The following DLX5 variants were observed in gnomAD, a reference collection of about 807,000 sequenced individuals.
The protein encoded by DLX5 is homeobox protein DLX-5.
In DLX5, 8 loss-of-function variants were observed where a neutral mutation model predicts 27.1. The ratio of observed to expected loss-of-function variants is 0.30; its 90% CI spans 0.17 to 0.53. The LOEUF is 0.53. Ranked by LOEUF, DLX5 falls within the 20% of genes least tolerant of loss-of-function variation. The pLI, the probability that DLX5 is intolerant of heterozygous loss-of-function variation, is 0.95. For synonymous variants in DLX5, 178 were observed against 161.9 expected, an observed-to-expected ratio of 1.10 and a Z score of -0.75; for missense variants, 339 against 375.1, an observed-to-expected ratio of 0.90 and a Z score of 0.80.
intron 2 of DLX5, chr7:97,021,927 C>G: frequency 1.7e-6 from 1 of 604,668 alleles, no homozygotes; most frequent in Non-Finnish European, 2.9e-6. Context: ...GAAATTGGCC[C>G]CACAGCTCCG....
Position 97,022,083 on chromosome 7 carries a change from C to T in DLX5, c.540+102G>A, listed in dbSNP as rs1316321204. 1.9e-5 allele frequency: 27 copies of T among 1,391,934 alleles called. No homozygotes were observed. In the Admixed American group the frequency reaches 4.4e-4, roughly 23 times the overall value. 86.2% of individuals were successfully genotyped at this position (1,391,934 alleles called of 1,614,324 possible). On this transcript the variant is annotated intron_variant, in intron 2 of 2. Coordinates refer to ENST00000648378, the MANE Select transcript of DLX5 (RefSeq NM_005221.6). ...TGTCTTTGGGTCTGTTAGTTTCTCACGGGTACTGTCAAAACAGCTCCAGTC... is the reference window on the plus strand; with the variant it reads ...TGTCTTTGGGTCTGTTAGTTTCTCATGGGTACTGTCAAAACAGCTCCAGTC...
In DLX5 at chr7:97,020,743, A is replaced by T. The variant is rs1294274714; in HGVS notation, c.863T>A (p.Leu288His). 3.2e-6 allele frequency: 5 copies of T among 1,586,000 alleles called. No homozygotes were observed. The highest frequency in any genetic ancestry group is 2.3e-5 in the East Asian group (1 of 44,444). Residue 288 changes from leucine (L) to histidine (H), a missense_variant, in exon 3 of 3, where the codon CTC (leucine) becomes CAC (histidine). By Grantham distance (99) the Leu-to-His change is moderately conservative. Transcript: ENST00000648378. ...QHPLALASGT[L>H]Y Reference sequence around the variant, plus strand: ...TAAGAGAGAGCAGCCCATCTAATAGAGTGTCCCGGAGGCCAGCGCCAGCGG... The same window carrying T: ...TAAGAGAGAGCAGCCCATCTAATAGTGTGTCCCGGAGGCCAGCGCCAGCGG...
intron 2 of DLX5, among the ~76,000 whole-genome samples, chr7:97,021,753 C>T (rs1425638152): frequency 6.6e-6 from 1 of 152,212 alleles, no homozygotes; most frequent in African/African-American, 2.4e-5. Flanking sequence ...TTCAGTTTCT[C>T]CGCTCCAGGC....
In DLX5 at chr7:97,022,413, A is replaced by G. The variant is rs1266979200; in HGVS notation, c.356-44T>C. ...CTCAGTTAAAGCTTGTCACCAGACA[A>G]TGCCCCTTTTGCGGAAGGGCCTCAA... is the stretch of plus-strand genomic sequence containing the variant. On this transcript the variant is annotated intron_variant, in intron 1 of 2. Coordinates refer to ENST00000648378, the MANE Select transcript of DLX5 (RefSeq NM_005221.6). 1.9e-6 allele frequency: 3 copies of G among 1,607,392 alleles called. No individual in the cohort carries two copies. In the Admixed American group the frequency reaches 5.0e-5, roughly 27 times the overall value.
rs1424932327 is a variant in DLX5, at chr7:97,022,384, C to CA, written c.356-16dup. Reference sequence around the variant, plus strand: ...CACTTCTTTCTCTAAATAATCAAAACAGACTCAGTTAAAGCTTGTCACCAG... The same window carrying CA: ...CACTTCTTTCTCTAAATAATCAAAACAAGACTCAGTTAAAGCTTGTCACCAG... On this transcript the variant is annotated splice_polypyrimidine_tract_variant and intron_variant, in intron 1 of 2. Transcript: ENST00000648378. 3 of 1,613,056 alleles carry CA rather than the reference C, an allele frequency of 1.9e-6. No homozygotes were observed. In the South Asian group the frequency reaches 3.3e-5, roughly 18 times the overall value.
At position 97,024,535 on chromosome 7, in the gene DLX5, G is replaced by A. The variant is rs1351019836; in HGVS notation, c.89C>T (p.Pro30Leu). Residue 30 changes from proline (P) to leucine (L), a missense_variant, in exon 1 of 3, where the codon CCG becomes CTG. Pro to Leu is a moderately conservative substitution (Grantham distance 98). Transcript: ENST00000648378. This position sits in a 1 kb window ranked among gnomAD's most constrained non-coding sequence, Gnocchi z 4.6. ...GGGCAAAGTTGGCGATTCCTGAGAC[G>A]GATGGTGCATAGCTGCGGACGTCTG... ...PFQTSAAMHH[P>L]SQESPTLPES... 1.9e-6 allele frequency: 3 copies of A among 1,614,112 alleles called. No homozygotes were observed. Among genetic ancestry groups the A allele is most frequent in the African/African-American group, 1.3e-5 (1 of 74,936 alleles).
At chr7:97,021,966 G>A (rs1446673348) in intron 2 of DLX5, 2 of 622,278 alleles carry the variant, frequency 3.2e-6, no homozygotes, top group East Asian at 2.7e-5. Context: ...GGGGCGGGGG[G>A]CGCGGTTAGT....
rs1790022532 is a variant in DLX5 at position 97,020,621 on chromosome 7, C to A, written c.*115G>T. ...AACTTACATGCAAAAAAAAGCTTTA[C>A]ACATGAATCTTTTTCAGTTTTCCGA... On this transcript the variant is annotated 3_prime_UTR_variant, in exon 3 of 3. Transcript: ENST00000648378. 2 of 1,095,182 alleles carry A rather than the reference C, an allele frequency of 1.8e-6. No homozygotes were observed. Among genetic ancestry groups the A allele is most frequent in the African/African-American group, 1.6e-5 (1 of 63,764 alleles). The allele number at this position is 1,095,182 out of a possible 1,614,324, so 67.8% of individuals were successfully genotyped here.
chr7:97,024,451 T>A lies in DLX5; in HGVS notation c.173A>T (p.Tyr58Phe), dbSNP rs763009516. The change falls in exon 1 of 3, where the codon TAC becomes TTC. Residue 58 changes from tyrosine (Y) to phenylalanine (F), a missense_variant. By Grantham distance (22) the Tyr-to-Phe change is conservative. Around this residue, in one of 3 missense-constraint regions of DLX5, gnomAD observed 188 missense variants for 206.1 expected, o/e 0.91. Transcript: ENST00000648378. The surrounding 1 kb of genome is among the most constrained non-coding windows in gnomAD (Gnocchi z 4.6). ...YSPTGGAPHG[Y>F]CSPTSASYGK... ...ATAGGAAGCCGAGGTAGGAGAGCAG[T>A]AGCCGTGCGGGGCTCCCCCCGTAGG... 1 of 1,614,258 alleles carries A rather than the reference T, an allele frequency of 6.2e-7. No individual in the cohort carries two copies. Among genetic ancestry groups the A allele is most frequent in the Admixed American group, 1.7e-5 (1 of 60,038 alleles).
rs1051982011 is a variant in DLX5, at chr7:97,022,540, A to G, written c.356-171T>C. 3 of 985,238 alleles carry G rather than the reference A, an allele frequency of 3.0e-6. No individual in the cohort carries two copies. The African/African-American group carries it at 5.2e-5, about 17-fold the overall frequency. The allele number at this position is 985,238 out of a possible 1,614,324, so 61.0% of individuals were successfully genotyped here. On this transcript the variant is annotated intron_variant, in intron 1 of 2. Coordinates refer to ENST00000648378, the MANE Select transcript of DLX5 (RefSeq NM_005221.6). ...CGATAAATATGCACCTACCCCAAAT[A>G]TGGAAAAGCGGGATAGCCTCTGATT...
Position 97,022,221 on chromosome 7 carries a change from G to A in DLX5, c.504C>T (p.Ala168=), listed in dbSNP as rs749209979. Residue 168 remains alanine (A), a synonymous_variant, in exon 2 of 3, where the codon GCC becomes GCT. Coordinates refer to ENST00000648378, the MANE Select transcript of DLX5 (RefSeq NM_005221.6). ...TCAATCCCAGCGAGGCGGCCAGCTC[G>A]GCGCGTTCCGGCAAGGCGAGGTACT... is the stretch of plus-strand genomic sequence containing the variant. ...KTQYLALPER[A]ELAASLGLTQ... is the part of the protein sequence containing the mutation. 2 of 1,614,110 alleles carry A rather than the reference G, an allele frequency of 1.2e-6. No individual in the cohort carries two copies. Among genetic ancestry groups the A allele is most frequent in the African/African-American group, 2.7e-5 (2 of 74,940 alleles).
At chr7:97,023,817 G>C (rs757289825) in intron 1 of DLX5, among the ~76,000 whole-genome samples, 126 of 150,796 alleles carry the variant, frequency 8.4e-4, no homozygotes, top group Non-Finnish European at 1.3e-3. Context: ...CTAGCTTGTG[G>C]CGGCTCTCAA....
chr7:97,020,547 C>A lies in DLX5; in HGVS notation c.*189G>T. 1.8e-6 allele frequency: 1 copy of A among 541,808 alleles called. No individual in the cohort carries two copies. The highest frequency in any genetic ancestry group is 3.1e-6 in the Non-Finnish European group (1 of 327,198). 33.6% of individuals were successfully genotyped at this position (541,808 alleles called of 1,614,324 possible). ...GCACCATTGAAAGTGTCCACAGTTGCGCAAAAAAAGTCCTCTGTAAAAAAA... is the reference window on the plus strand; with the variant it reads ...GCACCATTGAAAGTGTCCACAGTTGAGCAAAAAAAGTCCTCTGTAAAAAAA... On this transcript the variant is annotated 3_prime_UTR_variant, in exon 3 of 3. Transcript: ENST00000648378.
Position 97,020,856 on chromosome 7 carries a change from G to A in DLX5, c.750C>T (p.Ser250=). The change falls in exon 3 of 3, where the codon TCC becomes TCT. Residue 250 remains serine, a synonymous_variant. Transcript: ENST00000648378. ...HPPTSNQSPA[S]SYLENSASWY... ...AGGATGCAGAGTTCTCCAGGTAGCT[G>A]GACGCTGGGGACTGGTTGGAGGTCG... is the stretch of plus-strand genomic sequence containing the variant. 6.2e-7 allele frequency: 1 copy of A among 1,614,174 alleles called. No individual in the cohort carries two copies.
At position 97,024,599 on chromosome 7, in the gene DLX5, C is replaced by T. The variant is rs1790144393; in HGVS notation, c.25G>A (p.Val9Ile). The T allele has an allele frequency of 6.2e-7, 1 of 1,602,438 alleles. No individual in the cohort carries two copies. The highest frequency in any genetic ancestry group is 1.1e-5 in the South Asian group (1 of 90,064). MTGVFDRRVPSIRSGDFQA... is the reference protein window; with the variant it reads MTGVFDRRIPSIRSGDFQA... Reference sequence around the variant, plus strand: ...AAGTCGCCGGATCGGATGCTGGGGACCCTTCTGTCAAACACTCCTGTCATC... The same window carrying T: ...AAGTCGCCGGATCGGATGCTGGGGATCCTTCTGTCAAACACTCCTGTCATC... Residue 9 changes from valine to isoleucine, a missense_variant, in exon 1 of 3, where the codon GTC (valine) becomes ATC (isoleucine). Val to Ile is a conservative substitution (Grantham distance 29). Around this residue, in one of 3 missense-constraint regions of DLX5, gnomAD observed 188 missense variants for 206.1 expected, o/e 0.91. Coordinates refer to ENST00000648378, the MANE Select transcript of DLX5 (RefSeq NM_005221.6). This position sits in a 1 kb window ranked among gnomAD's most constrained non-coding sequence, Gnocchi z 4.6.
In DLX5 at chr7:97,020,952, C is replaced by A; in HGVS notation, c.654G>T (p.Pro218=). 6.2e-7 allele frequency: 1 copy of A among 1,613,944 alleles called. No individual in the cohort carries two copies. The highest frequency in any genetic ancestry group is 8.5e-7 in the Non-Finnish European group (1 of 1,180,036). ...GGGGCTCCCACACCGCTGGAGACTG[C>A]GGCGAGTTACACGCCATTGGGTCGC... ...SSSDPMACNS[P]QSPAVWEPQG... is the part of the protein sequence containing the mutation. Residue 218 remains proline, a synonymous_variant, in exon 3 of 3, where the codon CCG becomes CCT. Transcript: ENST00000648378.
At position 97,024,703 on chromosome 7, in the gene DLX5, T is replaced by C. The variant is rs1790146447; in HGVS notation, c.-80A>G. The stretch of plus-strand genomic sequence containing the variant: ...CTAGTTGGCTGTGGGGCTGCTCTGG[T>C]CTAAGCAGACATGGCTGTGGGAGCG... On this transcript the variant is annotated 5_prime_UTR_variant, in exon 1 of 3. Transcript: ENST00000648378. The surrounding 1 kb of genome is among the most constrained non-coding windows in gnomAD (Gnocchi z 4.6). The C allele has an allele frequency of 6.4e-6, 8 of 1,250,046 alleles. No homozygotes were observed. The highest frequency in any genetic ancestry group is 9.0e-6 in the Non-Finnish European group (8 of 892,322). 77.4% of individuals were successfully genotyped at this position (1,250,046 alleles called of 1,614,324 possible).
At position 97,024,452 on chromosome 7, in the gene DLX5, A is replaced by G; in HGVS notation, c.172T>C (p.Tyr58His). Residue 58 changes from tyrosine to histidine, a missense_variant, in exon 1 of 3, where the codon TAC becomes CAC. Physicochemically the swap from Tyr to His is moderately conservative, Grantham distance 83. This residue lies in a region of DLX5 where 188 missense variants were observed against 206.1 expected (regional missense o/e 0.91). Coordinates refer to ENST00000648378, the MANE Select transcript of DLX5 (RefSeq NM_005221.6). The surrounding 1 kb of genome is among the most constrained non-coding windows in gnomAD (Gnocchi z 4.6). ...TAGGAAGCCGAGGTAGGAGAGCAGTAGCCGTGCGGGGCTCCCCCCGTAGGG... is the reference window on the plus strand; with the variant it reads ...TAGGAAGCCGAGGTAGGAGAGCAGTGGCCGTGCGGGGCTCCCCCCGTAGGG... ...YSPTGGAPHG[Y>H]CSPTSASYGK... The G allele has an allele frequency of 6.2e-7, 1 of 1,614,256 alleles. No individual in the cohort carries two copies. Among genetic ancestry groups the G allele is most frequent in the South Asian group, 1.1e-5 (1 of 91,084 alleles).
In DLX5 at chr7:97,024,685, G is replaced by T; in HGVS notation, c.-62C>A. On this transcript the variant is annotated 5_prime_UTR_variant, in exon 1 of 3. Transcript: ENST00000648378. The surrounding 1 kb of genome is among the most constrained non-coding windows in gnomAD (Gnocchi z 4.6). ...GTGGCGGCGGCAGCTGCCCTAGTTG[G>T]CTGTGGGGCTGCTCTGGTCTAAGCA... 2 of 1,398,580 alleles carry T rather than the reference G, an allele frequency of 1.4e-6. No homozygotes were observed. The highest frequency in any genetic ancestry group is 2.0e-6 in the Non-Finnish European group (2 of 1,013,274). The allele number at this position is 1,398,580 out of a possible 1,614,324, so 86.6% of individuals were successfully genotyped here. A position where few individuals can be genotyped will look rare whatever the true frequency, so the allele number is the denominator to read the frequency against.
Sources: allele counts gnomAD v4.1 joint callset (sites outside exome capture counted in the v4.1 genomes callset), GRCh38; gene constraint gnomAD v4.1.1; regional missense constraint gnomAD v4.1.1; non-coding constraint Gnocchi (gnomAD v3.1); transcripts MANE v1.5; gene names NCBI Gene and HGNC (gene_info 2026-07-23, HGNC 2026-07-21).